PTPN3: variants seen among roughly 807,000 people sequenced by gnomAD.
The protein encoded by PTPN3 is protein tyrosine phosphatase non-receptor type 3.
A neutral mutation model predicts 132.7 loss-of-function variants in PTPN3; 96 were observed. The observed-to-expected ratio is 0.72, with a 90% CI of 0.61 to 0.86. The LOEUF (loss-of-function observed/expected upper bound fraction) is 0.86. Ranked by LOEUF, PTPN3 falls within the 40% of genes least tolerant of loss-of-function variation. PTPN3 has a pLI of 0.00. For synonymous variants in PTPN3, 398 were observed against 429.0 expected, an observed-to-expected ratio of 0.93 and a Z score of 0.89; for missense variants, 1,125 against 1,159.6, an observed-to-expected ratio of 0.97 and a Z score of 0.43.
intron 1 of PTPN3, among the ~76,000 whole-genome samples, chr9:109,471,011 G>A (rs1209561113): frequency 1.3e-5 from 2 of 151,430 alleles, no homozygotes; most frequent in Admixed American, 1.3e-4. Context: ...AAACTCCTGT[G>A]TAACCCTTTT....
Position 109,389,255 on chromosome 9 carries a change from G to A in PTPN3, c.2231C>T (p.Thr744Met), listed in dbSNP as rs750440450. 6.2e-6 allele frequency: 10 copies of A among 1,614,066 alleles called. No individual in the cohort carries two copies. The highest frequency in any genetic ancestry group is 4.5e-5 in the East Asian group (2 of 44,886). The part of the protein sequence containing the change: ...DQKLSLIVML[T>M]TLTERGRTKC... ...TACCCGCCCTCGTTCTGTGAGAGTC[G>A]TCAACATGACAATGAGTGACAACTT... Residue 744 changes from threonine to methionine, a missense_variant, in exon 22 of 26, where the codon ACG (threonine) becomes ATG (methionine). Coordinates refer to ENST00000374541, the MANE Select transcript of PTPN3 (RefSeq NM_002829.4).
At chr9:109,384,182 G>C (rs567697058) in intron 22 of PTPN3, among the ~76,000 whole-genome samples, 1 of 152,228 alleles carries the variant, frequency 6.6e-6, no homozygotes, top group African/African-American at 2.4e-5. Flanking sequence ...GCCACTGTAG[G>C]GGGCAGGCGG....
intron 6 of PTPN3, among the ~76,000 whole-genome samples, chr9:109,447,868 G>A (rs1029033015): frequency 2.6e-5 from 4 of 152,096 alleles, no homozygotes; most frequent in Non-Finnish European, 5.9e-5. Context: ...TAAGATGCCC[G>A]CCTACGTAGG....
the PTPN3 span, among the ~76,000 whole-genome samples, chr9:109,535,559 G>A: frequency 6.6e-6 from 1 of 152,016 alleles, no homozygotes; most frequent in Non-Finnish European, 1.5e-5. Flanking sequence ...CCAGGCTGGA[G>A]TGTAATCACG....
rs77106697 is a variant in PTPN3, at chr9:109,495,063, T to C, written c.-18+3156A>G. Among the ~76,000 whole-genome samples the C allele has an allele frequency of 7.0e-4, 107 of 152,250 alleles. 1 individual carries two copies. In the East Asian group the frequency reaches 0.02, roughly 28 times the overall value. On this transcript the variant is annotated intron_variant, in intron 1 of 25. Transcript: ENST00000374541. ...TCGGCCAGAGGAAAGAAGACATCTA[T>C]AAGATCAGGCTCTGAGGTCACCTGG...
the PTPN3 span, among the ~76,000 whole-genome samples, chr9:109,521,370 G>A: frequency 6.6e-6 from 1 of 152,118 alleles, no homozygotes; most frequent in African/African-American, 2.4e-5. Flanking sequence ...ATGTTGCCCA[G>A]GCTGGTTTCG....
chr9:109,384,190 C>T (rs1285665935), intron 22 of PTPN3, among the ~76,000 whole-genome samples: 7 of 152,044 alleles, frequency 4.6e-5, no homozygotes, highest in African/African-American at 2.4e-5. Flanking sequence ...AGGGGGCAGG[C>T]GGGGGTGGCC....
rs543565639 is a variant in PTPN3, at chr9:109,380,014, G to A, written c.2665-381C>T. Among the ~76,000 whole-genome samples the A allele has an allele frequency of 2.8e-4, 42 of 152,304 alleles. 2 individuals are homozygous for A. In the South Asian group the frequency reaches 7.9e-3, roughly 29 times the overall value. On this transcript the variant is annotated intron_variant, in intron 25 of 25. Coordinates refer to ENST00000374541, the MANE Select transcript of PTPN3 (RefSeq NM_002829.4). ...ACACCTAGGCATGTGGAGGAGGAGG[G>A]GCTGCACAGGTGGGCTGGGACCTGG...
intron 5 of PTPN3, chr9:109,449,922 G>C (rs1845137875): frequency 1.0e-6 from 1 of 985,294 alleles, no homozygotes; most frequent in Non-Finnish European, 1.2e-6. Flanking sequence ...TCCGGGCTTT[G>C]TACATGGTAC....
intron 13 of PTPN3, among the ~76,000 whole-genome samples, chr9:109,421,528 C>T (rs574504150): frequency 9.8e-5 from 15 of 152,304 alleles, no homozygotes; most frequent in Non-Finnish European, 1.6e-4. Context: ...ACAGGAGCTC[C>T]GGGCCACGAG....
chr9:109,415,036 G>GTCCGTCCGTCCA (rs1554786709), intron 14 of PTPN3, among the ~76,000 whole-genome samples: 51 of 145,806 alleles, frequency 3.5e-4, no homozygotes, highest in Non-Finnish European at 5.4e-4. Context: ...CCGTCTGTCC[G>GTCCGTCCGTCCA]TCCGTCCGTC....
the PTPN3 span, among the ~76,000 whole-genome samples, chr9:109,503,536 C>G: frequency 6.6e-6 from 1 of 151,972 alleles, no homozygotes; most frequent in African/African-American, 2.4e-5. Context: ...GAAACCCTGT[C>G]TCTACTTAAA....
chr9:109,532,540 C>G, the PTPN3 span, among the ~76,000 whole-genome samples: 1 of 141,852 alleles, frequency 7.0e-6, no homozygotes, highest in Non-Finnish European at 1.5e-5. Context: ...AGATAGGAAA[C>G]AATTTAAAAA....
At chr9:109,449,962 C>G in intron 5 of PTPN3, 8 of 985,226 alleles carry the variant, frequency 8.1e-6, no homozygotes, top group Non-Finnish European at 9.6e-6. Flanking sequence ...TTATCTCAGC[C>G]TCATAACTCT....
chr9:109,382,392 C>T lies in PTPN3; in HGVS notation c.2438G>A (p.Gly813Asp), dbSNP rs767610399. The change falls in exon 24 of 26, where the codon GGT (glycine) becomes GAT (aspartate). Residue 813 changes from glycine to aspartate, a missense_variant. Gly to Asp is a moderately conservative substitution (Grantham distance 94, BLOSUM62 -1). Transcript: ENST00000374541. ...AAAGTCGGAGGAGTCATCGGGCACA[C>T]CGTGGTCAGGCCATGCGACGTACTG... ...HLQYVAWPDH[G>D]VPDDSSDFLE... is the part of the protein sequence containing the mutation. 1 of 1,614,208 alleles carries T rather than the reference C, an allele frequency of 6.2e-7. No homozygotes were observed. The highest frequency in any genetic ancestry group is 8.5e-7 in the Non-Finnish European group (1 of 1,180,014).
chr9:109,411,898 T>A (rs1473530961), intron 14 of PTPN3, among the ~76,000 whole-genome samples: 1 of 152,074 alleles, frequency 6.6e-6, no homozygotes, highest in East Asian at 1.9e-4. Flanking sequence ...AAGTGGCTGG[T>A]TGGGGGTAGG....
At chr9:109,402,481 G>T (rs1309422904) in intron 19 of PTPN3, among the ~76,000 whole-genome samples, 10 of 151,890 alleles carry the variant, frequency 6.6e-5, no homozygotes. Context: ...GTTTCACCAT[G>T]TTGGCCAGGC....
rs966678903 is a variant in PTPN3 at position 109,498,040 on chromosome 9, C to A, written c.-18+179G>T. On this transcript the variant is annotated intron_variant, in intron 1 of 25. Coordinates refer to ENST00000374541, the MANE Select transcript of PTPN3 (RefSeq NM_002829.4). This position sits in a 1 kb window ranked among gnomAD's most constrained non-coding sequence, Gnocchi z 4.2. Reference sequence around the variant, plus strand: ...GCCCCGCCAGGTGAGCGCAGCGGGGCGCCCCCTCCCCGCCCCGACGTGGTG... The same window carrying A: ...GCCCCGCCAGGTGAGCGCAGCGGGGAGCCCCCTCCCCGCCCCGACGTGGTG... 6.9e-6 allele frequency among the ~76,000 whole-genome samples: 1 copy of A among 144,728 alleles called. No homozygotes were observed. Among genetic ancestry groups the A allele is most frequent in the Non-Finnish European group, 1.5e-5 (1 of 65,208 alleles). 94.9% of individuals were successfully genotyped at this position (144,728 alleles called of 152,430 possible). A position where few individuals can be genotyped will look rare whatever the true frequency, so the allele number is the denominator to read the frequency against.
chr9:109,484,388 G>A (rs1217905030), intron 1 of PTPN3, among the ~76,000 whole-genome samples: 1 of 152,208 alleles, frequency 6.6e-6, no homozygotes, highest in African/African-American at 2.4e-5. Flanking sequence ...GTGAGGGAGT[G>A]GGGGCCCGGT....
Sources: allele counts gnomAD v4.1 joint callset (sites outside exome capture counted in the v4.1 genomes callset), GRCh38; gene constraint gnomAD v4.1.1; non-coding constraint Gnocchi (gnomAD v3.1); transcripts MANE v1.5; gene names NCBI Gene and HGNC (gene_info 2026-07-23, HGNC 2026-07-21).